The following NPM1 variants were observed in gnomAD, a reference collection of about 807,000 sequenced individuals.
NPM1 encodes nucleophosmin 1.
A neutral mutation model predicts 44.1 loss-of-function variants in NPM1; 1 was observed. The ratio of observed to expected loss-of-function variants is 0.02; its 90% CI spans 0.01 to 0.11. The LOEUF (loss-of-function observed/expected upper bound fraction) is 0.11. Among genes scored for constraint, NPM1 ranks in the 10% least tolerant of loss-of-function variants. NPM1 has a pLI of 1.00. For synonymous variants in NPM1, 126 were observed against 111.8 expected, an observed-to-expected ratio of 1.13 and a Z score of -0.80; for missense variants, 197 against 347.8, an observed-to-expected ratio of 0.57 and a Z score of 3.45.
intron 6 of NPM1, among the ~76,000 whole-genome samples, chr5:171,399,058 A>C (rs933248549): frequency 2.0e-5 from 3 of 152,048 alleles, no homozygotes; most frequent in Middle Eastern, 3.2e-3. Flanking sequence ...CCCATTAGCC[A>C]GGCTGGTCTC....
chr5:171,406,188 G>A (rs549706306), intron 9 of NPM1, among the ~76,000 whole-genome samples: 184 of 152,088 alleles, frequency 1.2e-3, no homozygotes, highest in Non-Finnish European at 2.1e-3. Flanking sequence ...TAGATTTTTC[G>A]TGGCTTCAGT....
At chr5:171,401,453 A>G (rs549974008) in intron 8 of NPM1, among the ~76,000 whole-genome samples, 2 of 152,138 alleles carry the variant, frequency 1.3e-5, no homozygotes, top group African/African-American at 4.8e-5. Context: ...ACTTTTTTGA[A>G]AGAGATGGAC....
intron 6 of NPM1, among the ~76,000 whole-genome samples, chr5:171,397,879 C>T (rs933681063): frequency 1.3e-5 from 2 of 150,526 alleles, no homozygotes; most frequent in African/African-American, 4.9e-5. Context: ...CTGCAACCTC[C>T]TCCTCCCTTG....
chr5:171,390,778 C>T (rs1287788873), intron 2 of NPM1, among the ~76,000 whole-genome samples: 1 of 151,762 alleles, frequency 6.6e-6, no homozygotes, highest in Non-Finnish European at 1.5e-5. Flanking sequence ...GGCTGGAGTG[C>T]AGTGGTGTAA....
At chr5:171,394,041 CTTTTTTTTTT>C (rs144186175) in intron 6 of NPM1, among the ~76,000 whole-genome samples, 4 of 97,080 alleles carry the variant, frequency 4.1e-5, no homozygotes, top group African/African-American at 7.8e-5. Context: ...TTTTTGTTTT[CTTTTTTTTTT>C]TTTTTTTTTT....
intron 6 of NPM1, among the ~76,000 whole-genome samples, chr5:171,396,502 T>C (rs939038064): frequency 1.3e-5 from 2 of 152,236 alleles, no homozygotes; most frequent in African/African-American, 4.8e-5. Flanking sequence ...TTTTAAGTTA[T>C]GATACTTTTT....
intron 8 of NPM1, among the ~76,000 whole-genome samples, chr5:171,401,945 G>GT (rs2113242133): frequency 6.6e-6 from 1 of 151,942 alleles, no homozygotes; most frequent in South Asian, 2.1e-4. Context: ...AGGAACCCCA[G>GT]TACTTGTGCT....
intron 8 of NPM1, among the ~76,000 whole-genome samples, chr5:171,401,362 A>T (rs1172645730): frequency 6.6e-6 from 1 of 151,824 alleles, no homozygotes. Flanking sequence ...AAAAAAAAAA[A>T]TCAGCTTGTT....
At position 171,400,221 on chromosome 5, in the gene NPM1, AC is replaced by A. The variant is rs745455717; in HGVS notation, c.582+12del. On this transcript the variant is annotated intron_variant, in intron 7 of 10. Transcript: ENST00000296930. The stretch of plus-strand genomic sequence containing the variant: ...GCGCCAGTGAAGAAAGTGAGTAGAT[AC>A]AATGCTACAAGGTTGTTAAACTAAC... The A allele has an allele frequency of 3.1e-6, 5 of 1,613,786 alleles. No homozygotes were observed. In the Admixed American group the frequency reaches 8.3e-5, roughly 27 times the overall value.
chr5:171,400,644 C>G, intron 7 of NPM1, 195 bp from the exon 8 acceptor site: 1 of 487,226 alleles, frequency 2.1e-6, no homozygotes, highest in Non-Finnish European at 3.7e-6. Context: ...TTTAGTAGAC[C>G]ACCATGTCGG....
chr5:171,410,248 A>T (rs1224559654), intron 10 of NPM1, among the ~76,000 whole-genome samples: 1 of 152,274 alleles, frequency 6.6e-6, no homozygotes, highest in Non-Finnish European at 1.5e-5. Flanking sequence ...AACATTGGCC[A>T]TATGGGTCTC....
chr5:171,389,928 C>T (rs1472096963), intron 1 of NPM1, 123 bp from the exon 2 acceptor site: 5 of 636,032 alleles, frequency 7.9e-6, no homozygotes, highest in Non-Finnish European at 1.4e-5. Context: ...TCTGCTTTGC[C>T]CTCTGGTAGC....
At chr5:171,401,779 TGTTG>T (rs1226153483) in intron 8 of NPM1, among the ~76,000 whole-genome samples, 1 of 152,212 alleles carries the variant, frequency 6.6e-6, no homozygotes, top group Non-Finnish European at 1.5e-5. Context: ...AAGGAATCTT[TGTTG>T]AAAGGTATGT....
intron 7 of NPM1, among the ~76,000 whole-genome samples, chr5:171,400,474 T>C (rs77576013): frequency 6.6e-6 from 1 of 151,200 alleles, no homozygotes; most frequent in East Asian, 1.9e-4. Context: ...TTTTTTTTTT[T>C]TTGAGACGGA....
intron 10 of NPM1, among the ~76,000 whole-genome samples, chr5:171,408,909 T>G (rs1378557800): frequency 6.6e-6 from 1 of 152,116 alleles, no homozygotes; most frequent in African/African-American, 2.4e-5. Context: ...TGCAGTAGTC[T>G]TCTGTACTTT....
chr5:171,404,504 C>T (rs1216347879), intron 8 of NPM1, among the ~76,000 whole-genome samples: 2 of 72,226 alleles, frequency 2.8e-5, no homozygotes, highest in African/African-American at 5.8e-5. Flanking sequence ...GATGGGGCGG[C>T]GGGGCAGAGG....
chr5:171,410,790 T>C lies in NPM1; in HGVS notation c.*225T>C. 2.2e-6 allele frequency: 1 copy of C among 449,636 alleles called. No individual in the cohort carries two copies. Among genetic ancestry groups the C allele is most frequent in the Non-Finnish European group, 3.9e-6 (1 of 254,740 alleles). The allele number at this position is 449,636 out of a possible 1,614,324, so 27.9% of individuals were successfully genotyped here. On this transcript the variant is annotated 3_prime_UTR_variant, in exon 11 of 11. Coordinates refer to ENST00000296930, the MANE Select transcript of NPM1 (RefSeq NM_002520.7). ...TTGGTTTTAAGTATGTATGGAATGT[T>C]ATGATAGGACATAGTAGTAGCGGTG...
chr5:171,398,806 G>T (rs1042752008), intron 6 of NPM1, among the ~76,000 whole-genome samples: 6 of 152,142 alleles, frequency 3.9e-5, no homozygotes, highest in African/African-American at 1.2e-4. Context: ...GGACTGTTCT[G>T]TTGATGTGTC....
In NPM1 at chr5:171,387,899, C is replaced by CT; in HGVS notation, c.-46dup. On this transcript the variant is annotated 5_prime_UTR_variant, in exon 1 of 11. Coordinates refer to ENST00000296930, the MANE Select transcript of NPM1 (RefSeq NM_002520.7). Reference sequence around the variant, plus strand: ...CGCGGTTGTTCTCTGGAGCAGCGTTCTTTTATCTCCGTCCGCCTTCTCTCC... The same window carrying CT: ...CGCGGTTGTTCTCTGGAGCAGCGTTCTTTTTATCTCCGTCCGCCTTCTCTCC... The CT allele has an allele frequency of 3.8e-6, 6 of 1,577,342 alleles. No individual in the cohort carries two copies. Among genetic ancestry groups the CT allele is most frequent in the Non-Finnish European group, 5.2e-6 (6 of 1,148,610 alleles).
Sources: allele counts gnomAD v4.1 joint callset (sites outside exome capture counted in the v4.1 genomes callset), GRCh38; gene constraint gnomAD v4.1.1; transcripts MANE v1.5; gene names NCBI Gene and HGNC (gene_info 2026-07-23, HGNC 2026-07-21).